The following ZNF831 variants were observed in gnomAD, a reference collection of about 807,000 sequenced individuals.
ZNF831 encodes the protein chromosome 20 open reading frame 174.
A neutral mutation model predicts 95.8 loss-of-function variants in ZNF831; 59 were observed. The observed-to-expected ratio is 0.62, with a 90% confidence interval of 0.50 to 0.77. ZNF831 has a LOEUF of 0.77. Among genes scored for constraint, ZNF831 ranks in the 30% least tolerant of loss-of-function variants. The probability of loss-of-function intolerance (pLI) is 0.00; values close to 1 mark genes in which losing one functional copy is unlikely to be tolerated. For missense variants in ZNF831, 2,205 were observed against 2,164.0 expected (o/e 1.02, Z -0.38); for synonymous variants, 961 against 925.5 (o/e 1.04, Z -0.70).
intron 3 of ZNF831, 63 bp from the exon 4 acceptor site, chr20:59,206,842 C>T: frequency 6.4e-7 from 1 of 1,567,634 alleles, no homozygotes; most frequent in African/African-American, 1.4e-5. Flanking sequence ...AGTGACTTTC[C>T]AGATTTTTCC....
chr20:59,134,759 C>T (rs758228154), intron 1 of ZNF831, among the ~76,000 whole-genome samples: 1 of 152,200 alleles, frequency 6.6e-6, no homozygotes, highest in Non-Finnish European at 1.5e-5. Flanking sequence ...CCTCACAGAG[C>T]CCTGGAGCCA....
Position 59,206,975 on chromosome 20 carries a change from C to A in ZNF831, c.3946C>A (p.Arg1316=). The A allele has an allele frequency of 6.2e-7, 1 of 1,614,142 alleles. No homozygotes were observed. The highest frequency in any genetic ancestry group is 8.5e-7 in the Non-Finnish European group (1 of 1,180,026). ...ASRLRTPTWV[R]RRSRHPPALE... ...TAGACTTCGCACACCAACCTGGGTG[C>A]GAAGAAGAAGCCGCCACCCTCCCGC... Residue 1316 remains arginine (R), a synonymous_variant, in exon 4 of 6, where the codon CGA becomes AGA. Transcript: ENST00000371030.
chr20:59,253,010 AC>A lies in ZNF831; in HGVS notation c.4062del (p.Ser1355GlnfsTer21). On this transcript the variant is annotated frameshift_variant, in exon 5 of 6. Transcript: ENST00000371030. LOFTEE classifies it high-confidence loss of function. The stretch of plus-strand genomic sequence containing the variant: ...TCTGCAAGAGGAGCCATCTTGTGCC[AC>A]CTCAGAATCACCTCCTTGTTGTGGG... ...LNLQEEPSCA[T>X]SESPPCCGKE... The A allele has an allele frequency of 6.2e-7, 1 of 1,614,036 alleles. No homozygotes were observed. Among genetic ancestry groups the A allele is most frequent in the Non-Finnish European group, 8.5e-7 (1 of 1,179,942 alleles).
At chr20:59,248,348 C>A (rs1987720353) in intron 4 of ZNF831, among the ~76,000 whole-genome samples, 1 of 152,222 alleles carries the variant, frequency 6.6e-6, no homozygotes, top group Admixed American at 6.5e-5. Flanking sequence ...AAGGGCCATT[C>A]ATTTAAAAGC....
In ZNF831 at chr20:59,193,161, G is replaced by A. The variant is rs2146578088; in HGVS notation, c.2142G>A (p.Val714=). 1 of 1,574,370 alleles carries A rather than the reference G, an allele frequency of 6.4e-7. No individual in the cohort carries two copies. Among genetic ancestry groups the A allele is most frequent in the Non-Finnish European group, 8.6e-7 (1 of 1,159,534 alleles). Residue 714 remains valine (V), a synonymous_variant, in exon 2 of 6, where the codon GTG becomes GTA. Transcript: ENST00000371030. ...AACCCACTAAGCATGGGGAGACGGTGGCCAGGAGAGGAGACAGTGACCGAC... is the reference window on the plus strand; with the variant it reads ...AACCCACTAAGCATGGGGAGACGGTAGCCAGGAGAGGAGACAGTGACCGAC... The part of the protein sequence containing the change: ...VTEPTKHGET[V]ARRGDSDRPR...
At chr20:59,180,707 T>C (rs943934330) in intron 1 of ZNF831, among the ~76,000 whole-genome samples, 4 of 152,234 alleles carry the variant, frequency 2.6e-5, no homozygotes, top group African/African-American at 9.7e-5. Context: ...CATGAACTCA[T>C]TCTTTTTTAT....
At chr20:59,225,364 TG>T (rs1986362515) in intron 4 of ZNF831, among the ~76,000 whole-genome samples, 1 of 152,220 alleles carries the variant, frequency 6.6e-6, no homozygotes, top group African/African-American at 2.4e-5. Context: ...AGTCTTTCAG[TG>T]CTTCTGAGGA....
Position 59,253,869 on chromosome 20 carries a change from C to CA in ZNF831, c.4189-29_4189-28insA, listed in dbSNP as rs1555837608. On this transcript the variant is annotated intron_variant, in intron 5 of 5. Transcript: ENST00000371030. ...TTGTACCAATTAACCTCCCCCCCCA[C>CA]TTTTTTTTTCCTTTGCACTTTGTTG... 3 of 1,067,542 alleles carry CA rather than the reference C, an allele frequency of 2.8e-6. 1 individual carries two copies. Among genetic ancestry groups the CA allele is most frequent in the African/African-American group, 1.9e-5 (1 of 53,030 alleles). 66.1% of individuals were successfully genotyped at this position (1,067,542 alleles called of 1,614,324 possible).
At chr20:59,228,726 A>C (rs911167569) in intron 4 of ZNF831, among the ~76,000 whole-genome samples, 5 of 152,200 alleles carry the variant, frequency 3.3e-5, no homozygotes, top group African/African-American at 1.2e-4. Flanking sequence ...AGTCCATGTG[A>C]TATTTTGATA....
At chr20:59,227,478 A>G (rs148079288) in intron 4 of ZNF831, among the ~76,000 whole-genome samples, 82 of 152,348 alleles carry the variant, frequency 5.4e-4, no homozygotes, top group African/African-American at 1.8e-3. Context: ...TTGGCTGGAT[A>G]TGGAGAAATG....
chr20:59,178,409 T>C (rs980389105), intron 1 of ZNF831, among the ~76,000 whole-genome samples: 2 of 152,244 alleles, frequency 1.3e-5, no homozygotes, highest in East Asian at 3.9e-4. Flanking sequence ...CTTCCCTTTT[T>C]CTCAAATGTG....
chr20:59,218,031 G>C (rs1190095205), intron 4 of ZNF831, among the ~76,000 whole-genome samples: 1 of 152,300 alleles, frequency 6.6e-6, no homozygotes, highest in Admixed American at 6.5e-5. Flanking sequence ...CCAAGCCCCA[G>C]TGTTACTCAG....
chr20:59,167,638 A>T (rs1168424726), intron 1 of ZNF831, among the ~76,000 whole-genome samples: 1 of 151,900 alleles, frequency 6.6e-6, no homozygotes, highest in Non-Finnish European at 1.5e-5. Flanking sequence ...TATAAGTAAG[A>T]TGTGAGGTTT....
chr20:59,249,050 A>G (rs914607197), intron 4 of ZNF831, among the ~76,000 whole-genome samples: 2 of 151,988 alleles, frequency 1.3e-5, no homozygotes, highest in African/African-American at 4.8e-5. Context: ...GTCCTTCCAC[A>G]TTGGCCCCCC....
intron 1 of ZNF831, among the ~76,000 whole-genome samples, chr20:59,139,318 A>T (rs967809677): frequency 3.3e-5 from 5 of 152,120 alleles, no homozygotes; most frequent in African/African-American, 1.2e-4. Flanking sequence ...CTATAAATAC[A>T]GTCCACTTAC....
At chr20:59,171,743 TAG>T (rs1443444353) in intron 1 of ZNF831, among the ~76,000 whole-genome samples, 1 of 152,146 alleles carries the variant, frequency 6.6e-6, no homozygotes, top group African/African-American at 2.4e-5. Flanking sequence ...ATAACACACA[TAG>T]AGACCATACA....
chr20:59,136,415 T>C (rs2146440388), intron 1 of ZNF831, among the ~76,000 whole-genome samples: 1 of 152,296 alleles, frequency 6.6e-6, no homozygotes, highest in East Asian at 1.9e-4. Flanking sequence ...TAAAGTTTGA[T>C]TGAATAACCA....
At chr20:59,220,710 G>A (rs1324025903) in intron 4 of ZNF831, among the ~76,000 whole-genome samples, 1 of 152,104 alleles carries the variant, frequency 6.6e-6, no homozygotes, top group Non-Finnish European at 1.5e-5. Flanking sequence ...TTTTTTTAAA[G>A]AAGAATCTGC....
chr20:59,204,976 T>C (rs1984784731), intron 3 of ZNF831, among the ~76,000 whole-genome samples: 1 of 152,174 alleles, frequency 6.6e-6, no homozygotes, highest in Admixed American at 6.5e-5. Flanking sequence ...CTTGGGCTGT[T>C]CTCGAAGGCA....
Sources: allele counts gnomAD v4.1 joint callset (sites outside exome capture counted in the v4.1 genomes callset), GRCh38; gene constraint gnomAD v4.1.1; transcripts MANE v1.5; gene names NCBI Gene and HGNC (gene_info 2026-07-23, HGNC 2026-07-21).